The following ENKUR variants were observed in gnomAD, a reference collection of about 807,000 sequenced individuals.
ENKUR encodes enkurin.
ENKUR carries 19 observed loss-of-function variants against 27.6 expected under a neutral mutation model. The observed-to-expected ratio is 0.69, with a 90% CI of 0.48 to 1.01. The LOEUF is 1.01. ENKUR is among the 50% of genes least tolerant of loss of function. The probability of loss-of-function intolerance (pLI) is 0.00; values close to 1 mark genes in which losing one functional copy is unlikely to be tolerated. For synonymous variants in ENKUR, 117 were observed against 96.9 expected, an observed-to-expected ratio of 1.21 and a Z score of -1.22; for missense variants, 312 against 310.5, an observed-to-expected ratio of 1.00 and a Z score of -0.04.
chr10:25,011,803 A>G (rs1850451398), intron 1 of ENKUR, among the ~76,000 whole-genome samples: 1 of 152,248 alleles, frequency 6.6e-6, no homozygotes, highest in African/African-American at 2.4e-5. Context: ...TGCAATAGAA[A>G]AGAAAAACCA....
At chr10:24,988,535 T>C (rs1849842631) in intron 4 of ENKUR, among the ~76,000 whole-genome samples, 3 of 147,570 alleles carry the variant, frequency 2.0e-5, no homozygotes, top group Non-Finnish European at 4.5e-5. Context: ...TACGGATCTA[T>C]GTACATGTAG....
upstream of ENKUR, among the ~76,000 whole-genome samples, chr10:25,020,296 C>A (rs1850694103): frequency 8.4e-6 from 1 of 118,610 alleles, no homozygotes; most frequent in African/African-American, 2.9e-5. Context: ...ACCCCAAAGT[C>A]TTGAAAAAGG....
chr10:25,027,309 T>C (rs1320106053), intron 2 of ENKUR, among the ~76,000 whole-genome samples: 2 of 123,666 alleles, frequency 1.6e-5, no homozygotes, highest in Non-Finnish European at 3.1e-5. Context: ...TGAGCCGAAA[T>C]CGCGCCACTG....
intron 4 of ENKUR, among the ~76,000 whole-genome samples, chr10:24,990,020 A>T (rs1330703422): frequency 6.6e-6 from 1 of 152,212 alleles, no homozygotes; most frequent in Non-Finnish European, 1.5e-5. Flanking sequence ...AAAATTTTGG[A>T]CATTTGCCTT....
intron 2 of ENKUR, chr10:25,023,388 C>CA: frequency 1.9e-6 from 3 of 1,614,070 alleles, no homozygotes; most frequent in Non-Finnish European, 2.5e-6. Context: ...TTGTTGGAGA[C>CA]AAAAATATTA....
At chr10:25,057,380 TACACACACACACACACAC>T (rs139515865) in intron 2 of ENKUR, among the ~76,000 whole-genome samples, 340 of 117,808 alleles carry the variant, frequency 2.9e-3, no homozygotes, top group African/African-American at 0.01. Flanking sequence ...TGCACTTTGG[TACACACACACACACACAC>T]ACACACACAC....
upstream of ENKUR, chr10:25,016,260 G>A: frequency 2.2e-6 from 2 of 895,344 alleles, no homozygotes; most frequent in Non-Finnish European, 1.4e-6. Flanking sequence ...TTCTGCTAGA[G>A]AAGCTCATTT....
intron 2 of ENKUR, among the ~76,000 whole-genome samples, chr10:25,034,259 AC>A (rs1850975940): frequency 1.3e-5 from 2 of 152,272 alleles, no homozygotes; most frequent in African/African-American, 4.8e-5. Context: ...ACTTCCTACC[AC>A]TGCACTATGT....
intron 2 of ENKUR, among the ~76,000 whole-genome samples, chr10:25,035,722 A>T (rs1203534226): frequency 6.6e-6 from 1 of 152,186 alleles, no homozygotes; most frequent in Non-Finnish European, 1.5e-5. Context: ...ACAAAGATAA[A>T]CCAAAAAGAT....
chr10:25,062,008 G>A (rs559812221), intron 1 of ENKUR, among the ~76,000 whole-genome samples: 1 of 152,300 alleles, frequency 6.6e-6, no homozygotes, highest in South Asian at 2.1e-4. Flanking sequence ...GAGAAATAAC[G>A]TAACGATAAC....
At chr10:24,999,355 C>T (rs940814665) in intron 2 of ENKUR, 46 bp downstream of exon 2, 10 of 1,537,580 alleles carry the variant, frequency 6.5e-6, no homozygotes, top group African/African-American at 4.2e-5. Flanking sequence ...AGTTAAATCA[C>T]CTGCTAATGC....
At chr10:24,988,664 GTATA>G (rs66687937) in intron 4 of ENKUR, among the ~76,000 whole-genome samples, 8 of 98,874 alleles carry the variant, frequency 8.1e-5, no homozygotes, top group Non-Finnish European at 1.1e-4. Context: ...CACAGCATAT[GTATA>G]TATATATATA....
intron 2 of ENKUR, among the ~76,000 whole-genome samples, chr10:24,996,365 T>C (rs1205731196): frequency 1.3e-5 from 2 of 151,992 alleles, no homozygotes; most frequent in African/African-American, 2.4e-5. Context: ...GAGGTTGCAG[T>C]GAACCGAGAT....
At chr10:25,020,266 A>ATCTATG (rs1449635695), upstream of ENKUR, among the ~76,000 whole-genome samples, 2 of 137,458 alleles carry the variant, frequency 1.5e-5, no homozygotes, top group African/African-American at 5.0e-5. Context: ...CTATATCTAT[A>ATCTATG]TCTATATCTA....
At chr10:25,028,458 C>T (rs1478854132) in intron 2 of ENKUR, among the ~76,000 whole-genome samples, 2 of 152,134 alleles carry the variant, frequency 1.3e-5, no homozygotes, top group Admixed American at 6.6e-5. Flanking sequence ...GCCTTGGATC[C>T]TATTCCCTTC....
intron 2 of ENKUR, among the ~76,000 whole-genome samples, chr10:25,052,258 G>A (rs1851194638): frequency 6.6e-6 from 1 of 152,106 alleles, no homozygotes; most frequent in Non-Finnish European, 1.5e-5. Context: ...ATCTAGCCCT[G>A]GCTGTCTGGC....
intron 2 of ENKUR, among the ~76,000 whole-genome samples, chr10:25,054,626 G>T (rs1228923387): frequency 6.8e-6 from 1 of 146,428 alleles, no homozygotes; most frequent in African/African-American, 2.5e-5. Flanking sequence ...TACAGAAGGT[G>T]CTCTCTTATT....
rs1441328453 is a variant in ENKUR, at chr10:24,983,716, T to C, written c.*654A>G. The C allele has an allele frequency of 6.6e-6, 1 of 152,182 alleles. No individual in the cohort carries two copies. Among genetic ancestry groups the C allele is most frequent in the Non-Finnish European group, 1.5e-5 (1 of 68,034 alleles). The allele number at this position is 152,182 out of a possible 1,614,324, so 9.4% of individuals were successfully genotyped here. A position where few individuals can be genotyped will look rare whatever the true frequency, so the allele number is the denominator to read the frequency against. On this transcript the variant is annotated 3_prime_UTR_variant, in exon 6 of 6. Coordinates refer to ENST00000331161, the MANE Select transcript of ENKUR (RefSeq NM_145010.4). ...GTGAAAAAAGCCTGAAAGACTCCCA[T>C]ATTTTGTTTTTTATGTTGTCCAGAG... is the stretch of plus-strand genomic sequence containing the variant.
chr10:24,990,021 C>T (rs975289913), intron 4 of ENKUR, among the ~76,000 whole-genome samples: 7 of 152,038 alleles, frequency 4.6e-5, no homozygotes, highest in Admixed American at 4.6e-4. Context: ...AAATTTTGGA[C>T]ATTTGCCTTA....
Sources: allele counts gnomAD v4.1 joint callset (sites outside exome capture counted in the v4.1 genomes callset), GRCh38; gene constraint gnomAD v4.1.1; transcripts MANE v1.5; gene names NCBI Gene and HGNC (gene_info 2026-07-23, HGNC 2026-07-21).